Variants in ITGAM observed in about 807,000 individuals in gnomAD.
The protein encoded by ITGAM is integrin alpha-M.
ITGAM carries 79 observed loss-of-function variants against 137.5 expected under a neutral mutation model. The ratio of observed to expected loss-of-function variants is 0.57; its 90% CI spans 0.48 to 0.69. The LOEUF (loss-of-function observed/expected upper bound fraction) is 0.69, where lower values mean the gene tolerates loss of function less well. ITGAM is among the 30% of genes least tolerant of loss of function. ITGAM has a pLI of 0.00. For missense variants in ITGAM, 1,343 were observed against 1,483.5 expected, an observed-to-expected ratio of 0.91 and a Z score of 1.56; for synonymous variants, 583 against 592.3, an observed-to-expected ratio of 0.98 and a Z score of 0.23.
Position 31,331,882 on chromosome 16 carries a change from C to G in ITGAM, c.*175C>G. ...GTGCGTGTGTGCAAGTGTCTGTGTG[C>G]AAGTGTGTGCACATGTGTGCGTGTG... On this transcript the variant is annotated 3_prime_UTR_variant, in exon 30 of 30. Transcript: ENST00000544665. The G allele has an allele frequency of 1.8e-6, 1 of 559,212 alleles. No homozygotes were observed. Among genetic ancestry groups the G allele is most frequent in the Non-Finnish European group, 3.1e-6 (1 of 317,626 alleles). The allele number at this position is 559,212 out of a possible 1,614,324, so 34.6% of individuals were successfully genotyped here. A position where few individuals can be genotyped will look rare whatever the true frequency, so the allele number is the denominator to read the frequency against.
At chr16:31,320,326 ATAGT>A (rs2080436102) in intron 14 of ITGAM, among the ~76,000 whole-genome samples, 1 of 152,202 alleles carries the variant, frequency 6.6e-6, no homozygotes, top group East Asian at 1.9e-4. Flanking sequence ...AATTTTAGCT[ATAGT>A]TATTTTTAAT....
In ITGAM at chr16:31,261,690, A is replaced by G; in HGVS notation, c.29-2A>G. 6.2e-7 allele frequency: 1 copy of G among 1,602,964 alleles called. No individual in the cohort carries two copies. Among genetic ancestry groups the G allele is most frequent in the South Asian group, 1.1e-5 (1 of 89,886 alleles). ...TTGATCCTTCCCCCATTCTCCCTTTAGCCTTGACCTTATGTCATGGGTTCA... is the reference window on the plus strand; with the variant it reads ...TTGATCCTTCCCCCATTCTCCCTTTGGCCTTGACCTTATGTCATGGGTTCA... On this transcript the variant is annotated splice_acceptor_variant, in intron 1 of 29. Transcript: ENST00000544665. LOFTEE classifies it high-confidence loss of function.
At chr16:31,262,263 TTTCC>T (rs1229025438) in intron 2 of ITGAM, among the ~76,000 whole-genome samples, 10 of 144,500 alleles carry the variant, frequency 6.9e-5, no homozygotes, top group African/African-American at 1.3e-4. Context: ...TCCTTCCTTC[TTTCC>T]TTCCTTCCTT....
intron 22 of ITGAM, 100 bp downstream of exon 22, chr16:31,327,035 C>A: frequency 1.1e-6 from 1 of 887,874 alleles, no homozygotes. Context: ...GTTCTCCCTT[C>A]AACTCATTTG....
intron 5 of ITGAM, among the ~76,000 whole-genome samples, chr16:31,270,183 C>CTTTCT (rs2079817001): frequency 6.9e-6 from 1 of 145,638 alleles, no homozygotes; most frequent in Admixed American, 7.1e-5. Flanking sequence ...CTTTCCTTTC[C>CTTTCT]TTTCCTTTTT....
In ITGAM at chr16:31,321,524, G is replaced by A; in HGVS notation, c.1899G>A (p.Arg633=). Reference sequence around the variant, plus strand: ...AGTTCAATCCCAGGGAAGTGGCAAGGAATGTATTTGAGTGTAATGATCAGG... The same window carrying A: ...AGTTCAATCCCAGGGAAGTGGCAAGAAATGTATTTGAGTGTAATGATCAGG... ...IMEFNPREVA[R]NVFECNDQVV... is the part of the protein sequence containing the mutation. Residue 633 remains arginine, a synonymous_variant, in exon 16 of 30, where the codon AGG becomes AGA. Transcript: ENST00000544665. 7 of 1,614,038 alleles carry A rather than the reference G, an allele frequency of 4.3e-6. No homozygotes were observed. The highest frequency in any genetic ancestry group is 4.2e-6 in the Non-Finnish European group (5 of 1,179,900).
chr16:31,307,664 G>A (rs2080279857), intron 14 of ITGAM, among the ~76,000 whole-genome samples: 1 of 152,032 alleles, frequency 6.6e-6, no homozygotes, highest in Non-Finnish European at 1.5e-5. Flanking sequence ...GATTGCCCTG[G>A]CCAGAACTTC....
intron 12 of ITGAM, among the ~76,000 whole-genome samples, chr16:31,281,760 A>G (rs1167873348): frequency 1.3e-5 from 2 of 152,144 alleles, no homozygotes; most frequent in African/African-American, 4.8e-5. Flanking sequence ...GCCATCTGCT[A>G]GCTTTTGAAT....
intron 22 of ITGAM, 119 bp downstream of exon 22, chr16:31,327,054 G>A: frequency 1.2e-6 from 1 of 811,954 alleles, no homozygotes; most frequent in South Asian, 1.3e-5. Context: ...TGTTCACTCA[G>A]CAAACACTCA....
At chr16:31,331,098 C>A (rs1263221320) in intron 28 of ITGAM, 67 bp from the exon 29 acceptor site, 7 of 812,108 alleles carry the variant, frequency 8.6e-6, no homozygotes, top group African/African-American at 1.7e-5. Context: ...GGGGTGCACA[C>A]GGTGTGAATG....
Position 31,293,137 on chromosome 16 carries a change from T to C in ITGAM, c.1357-4377T>C, listed in dbSNP as rs562697166. On this transcript the variant is annotated intron_variant, in intron 12 of 29. Coordinates refer to ENST00000544665, the MANE Select transcript of ITGAM (RefSeq NM_000632.4). ...CTCTTGTAAATTTGTTTAAGTACCCTGTAGATGTTGGATATTACACCTTTG... is the reference window on the plus strand; with the variant it reads ...CTCTTGTAAATTTGTTTAAGTACCCCGTAGATGTTGGATATTACACCTTTG... Among the ~76,000 whole-genome samples the C allele has an allele frequency of 2.0e-4, 30 of 152,316 alleles. 1 individual carries two copies. Among genetic ancestry groups the C allele is most frequent in the Admixed American group, 1.0e-3 (16 of 15,296 alleles).
At chr16:31,320,520 AAAC>A (rs1480136833) in intron 14 of ITGAM, among the ~76,000 whole-genome samples, 5 of 152,238 alleles carry the variant, frequency 3.3e-5, no homozygotes, top group South Asian at 4.1e-4. Flanking sequence ...CACTATTAAA[AAAC>A]AACAATTTCC....
chr16:31,283,681 G>T (rs563577668), intron 12 of ITGAM, among the ~76,000 whole-genome samples: 1 of 152,102 alleles, frequency 6.6e-6, no homozygotes, highest in Non-Finnish European at 1.5e-5. Flanking sequence ...CCTTTAGCTC[G>T]GAGAAGTTTG....
At chr16:31,310,382 C>A (rs1285158502) in intron 14 of ITGAM, among the ~76,000 whole-genome samples, 1 of 152,068 alleles carries the variant, frequency 6.6e-6, no homozygotes, top group Admixed American at 6.6e-5. Flanking sequence ...TTCTTGGAGG[C>A]TTTGTTCATT....
chr16:31,265,470 A>G lies in ITGAM; in HGVS notation c.210A>G (p.Thr70=). The change falls in exon 3 of 30, where the codon ACA becomes ACG. Residue 70 remains threonine (T), a synonymous_variant. Coordinates refer to ENST00000544665, the MANE Select transcript of ITGAM (RefSeq NM_000632.4). ...GCCTCTACCAGTGCGACTACAGCAC[A>G]GGCTCATGCGAGCCCATCCGCCTGC... ...RGSLYQCDYS[T]GSCEPIRLQV... 2 of 1,604,630 alleles carry G rather than the reference A, an allele frequency of 1.2e-6. No individual in the cohort carries two copies. The highest frequency in any genetic ancestry group is 1.3e-5 in the African/African-American group (1 of 74,836).
At chr16:31,289,834 C>A (rs1444242162) in intron 12 of ITGAM, among the ~76,000 whole-genome samples, 3 of 152,174 alleles carry the variant, frequency 2.0e-5, no homozygotes, top group Non-Finnish European at 4.4e-5. Flanking sequence ...GTAATCCCAG[C>A]ACTTTGGGAG....
chr16:31,300,088 T>C (rs1368739576), intron 14 of ITGAM, among the ~76,000 whole-genome samples: 2 of 152,150 alleles, frequency 1.3e-5, no homozygotes, highest in East Asian at 1.9e-4. Flanking sequence ...GGCTTTCTTT[T>C]TTAAGGCTGA....
intron 5 of ITGAM, among the ~76,000 whole-genome samples, chr16:31,270,016 CA>C (rs2079811057): frequency 6.6e-6 from 1 of 152,140 alleles, no homozygotes. Flanking sequence ...GGGGATGGGG[CA>C]GAAGGCAGAG....
At chr16:31,328,359 T>A in intron 23 of ITGAM, 129 bp downstream of exon 23, 1 of 734,076 alleles carries the variant, frequency 1.4e-6, no homozygotes. Context: ...CATGTATGTG[T>A]GCATGGGTGT....
Sources: allele counts gnomAD v4.1 joint callset (sites outside exome capture counted in the v4.1 genomes callset), GRCh38; gene constraint gnomAD v4.1.1; transcripts MANE v1.5; gene names NCBI Gene and HGNC (gene_info 2026-07-23, HGNC 2026-07-21).